Variants in DMD observed in about 807,000 individuals in gnomAD.
DMD encodes dystrophin, also known as mutant dystrophin.
Under a neutral mutation model 330.1 loss-of-function variants are expected in DMD, and 63 were observed. The observed-to-expected ratio is 0.19, with a 90% CI of 0.16 to 0.24. The LOEUF is 0.24. Ranked by LOEUF, DMD falls within the 10% of genes least tolerant of loss-of-function variation. The pLI, the probability that DMD is intolerant of heterozygous loss-of-function variation, is 1.00. For synonymous variants in DMD, 1,223 were observed against 959.8 expected (o/e 1.27, Z -5.07); for missense variants, 3,344 against 2,684.1 (o/e 1.25, Z -5.43).
At chrX:32,172,688 C>A (rs1363637315) in intron 44 of DMD, among the ~76,000 whole-genome samples, 1 of 111,676 alleles carries the variant, frequency 9.0e-6, no homozygotes, top group Non-Finnish European at 1.9e-5. Context: ...TGCCCATATG[C>A]CTAACTCACA....
At position 32,342,180 on chromosome X, in the gene DMD, T is replaced by C. The variant is rs1463348902; in HGVS notation, c.5842A>G (p.Thr1948Ala). The change falls in exon 41 of 79, where the codon ACT (threonine) becomes GCT (alanine). Residue 1948 changes from threonine to alanine, a missense_variant. Transcript: ENST00000357033. Reference sequence around the variant, plus strand: ...CAGCGCTTGCTGAGCTGGATCTGAGTTGGCTCCACTGCCATTGCGGCCCCA... The same window carrying C: ...CAGCGCTTGCTGAGCTGGATCTGAGCTGGCTCCACTGCCATTGCGGCCCCA... ...EDGAAMAVEP[T>A]QIQLSKRWRE... The C allele has an allele frequency of 8.3e-7, 1 of 1,210,606 alleles. No individual in the cohort carries two copies. Among genetic ancestry groups the C allele is most frequent in the African/African-American group, 1.7e-5 (1 of 57,738 alleles).
chrX:32,470,353 T>C (rs772597229), intron 22 of DMD, among the ~76,000 whole-genome samples: 10 of 111,918 alleles, frequency 8.9e-5, no homozygotes, highest in East Asian at 2.8e-4. Flanking sequence ...TATAACATTA[T>C]TATTTTAAAT....
At chrX:31,786,692 T>C (rs187895430) in intron 50 of DMD, among the ~76,000 whole-genome samples, 1 of 111,622 alleles carries the variant, frequency 9.0e-6, no homozygotes, top group African/African-American at 3.3e-5. Context: ...AATAATAATA[T>C]CTACAAAAGG....
intron 44 of DMD, among the ~76,000 whole-genome samples, chrX:32,020,767 T>C (rs1417755466): frequency 8.9e-6 from 1 of 112,614 alleles, no homozygotes; most frequent in African/African-American, 3.2e-5. Context: ...TTTGAAATTT[T>C]TATATACAAA....
intron 74 of DMD, among the ~76,000 whole-genome samples, chrX:31,166,250 C>T (rs2039406690): frequency 1.8e-5 from 2 of 111,088 alleles, no homozygotes; most frequent in African/African-American, 3.3e-5. Context: ...GATAAGATAC[C>T]TCTGAGACAC....
chrX:33,041,298 C>T (rs766667900), intron 1 of DMD: 14 of 939,656 alleles, frequency 1.5e-5, no homozygotes, highest in African/African-American at 1.4e-4. Context: ...TGCGCATGCG[C>T]GCCGGCGACC....
chrX:33,148,908 G>A (rs1245698344), intron 1 of DMD, among the ~76,000 whole-genome samples: 3 of 110,468 alleles, frequency 2.7e-5, no homozygotes, highest in Non-Finnish European at 5.7e-5. Flanking sequence ...GGGAGGTAAA[G>A]TCTTTGTTTC....
In DMD at chrX:31,432,949, A is replaced by C. The variant is rs997056352; in HGVS notation, c.9084+11532T>G. On this transcript the variant is annotated intron_variant, in intron 60 of 78. Transcript: ENST00000357033. The stretch of plus-strand genomic sequence containing the variant: ...CAAGGGGTACATGTGCAGGTTTATT[A>C]CATGGGTATATTGTGTGACACTGAG... Among the ~76,000 whole-genome samples, 4 of 112,100 alleles carry C rather than the reference A, an allele frequency of 3.6e-5. No individual in the cohort carries two copies. In the Admixed American group the frequency reaches 3.8e-4, roughly 11 times the overall value.
At chrX:32,257,187 A>T (rs1425391334) in intron 43 of DMD, among the ~76,000 whole-genome samples, 4 of 112,169 alleles carry the variant, frequency 3.6e-5, no homozygotes, top group African/African-American at 1.3e-4. Context: ...AATGGAAAAA[A>T]CATTTCATGC....
intron 51 of DMD, among the ~76,000 whole-genome samples, chrX:31,761,329 C>G (rs2089572988): frequency 9.0e-6 from 1 of 110,540 alleles, no homozygotes; most frequent in Non-Finnish European, 1.9e-5. Context: ...GGTGGTGCTG[C>G]TATGAATAGA....
chrX:31,507,278 T>C lies in DMD; in HGVS notation c.8390+3A>G. ...GGCCTTTTTGCTCCACATCTTTTCCTACCTAATGTTGAGAGACTTTTTCCG... is the reference window on the plus strand; with the variant it reads ...GGCCTTTTTGCTCCACATCTTTTCCCACCTAATGTTGAGAGACTTTTTCCG... On this transcript the variant is annotated splice_donor_region_variant and intron_variant, in intron 56 of 78. Coordinates refer to ENST00000357033, the MANE Select transcript of DMD (RefSeq NM_004006.3). 1.7e-6 allele frequency: 2 copies of C among 1,211,489 alleles called. No homozygotes were observed. The highest frequency in any genetic ancestry group is 2.2e-6 in the Non-Finnish European group (2 of 895,120).
chrX:32,999,059 G>A (rs1424466045), intron 2 of DMD, among the ~76,000 whole-genome samples: 1 of 112,409 alleles, frequency 8.9e-6, no homozygotes, highest in Non-Finnish European at 1.9e-5. Flanking sequence ...CTATTCGAAG[G>A]ATTTATACAT....
intron 1 of DMD, among the ~76,000 whole-genome samples, chrX:33,225,724 CA>C (rs1191217408): frequency 1.8e-5 from 2 of 110,781 alleles, no homozygotes; most frequent in African/African-American, 6.5e-5. Flanking sequence ...ATTTGACATA[CA>C]AAATTTTAAA....
intron 1 of DMD, among the ~76,000 whole-genome samples, chrX:33,312,097 T>C (rs2053858224): frequency 9.1e-6 from 1 of 110,362 alleles, no homozygotes; most frequent in Non-Finnish European, 1.9e-5. Context: ...TTTCATGACA[T>C]TCCTTGTACT....
intron 44 of DMD, among the ~76,000 whole-genome samples, chrX:32,197,902 C>T (rs908751092): frequency 5.4e-5 from 6 of 111,373 alleles, no homozygotes; most frequent in Non-Finnish European, 7.5e-5. Flanking sequence ...ATTATAGTCA[C>T]TATGTCGTAC....
chrX:32,395,611 A>G (rs781260324), intron 30 of DMD, among the ~76,000 whole-genome samples: 6 of 111,950 alleles, frequency 5.4e-5, no homozygotes, highest in Non-Finnish European at 1.1e-4. Flanking sequence ...ATGCTCTGTG[A>G]TCAGAAAGAT....
At chrX:31,711,078 G>A (rs2084594212) in intron 52 of DMD, among the ~76,000 whole-genome samples, 1 of 103,074 alleles carries the variant, frequency 9.7e-6, no homozygotes, top group South Asian at 4.3e-4. Context: ...TGTTTGATTG[G>A]CTCCAGACCA....
At chrX:32,912,200 G>C (rs1227425329) in intron 2 of DMD, among the ~76,000 whole-genome samples, 1 of 110,814 alleles carries the variant, frequency 9.0e-6, no homozygotes, top group Non-Finnish European at 1.9e-5. Flanking sequence ...TGGTTGGAGG[G>C]GGGACATCAA....
intron 11 of DMD, among the ~76,000 whole-genome samples, chrX:32,643,643 G>A (rs943831772): frequency 2.7e-5 from 3 of 111,111 alleles, no homozygotes; most frequent in African/African-American, 9.8e-5. Context: ...ATAATTCATA[G>A]CCATACTGTA....
Sources: gnomAD v4.1 joint callset for allele counts (sites outside exome capture counted in the v4.1 genomes callset) on GRCh38, gnomAD v4.1.1 for gene constraint, MANE v1.5 for transcripts, NCBI Gene and HGNC (gene_info 2026-07-23, HGNC 2026-07-21) for gene names.